MXRA7: variants seen among roughly 807,000 people sequenced by gnomAD.
MXRA7 encodes matrix-remodeling-associated protein 7.
MXRA7 carries 18 observed loss-of-function variants against 17.4 expected under a neutral mutation model. The ratio of observed to expected loss-of-function variants is 1.03; its 90% CI spans 0.71 to 1.53. The LOEUF is 1.53. Among genes scored for constraint, MXRA7 ranks in the 40% most tolerant of loss-of-function variants. The pLI, the probability that MXRA7 is intolerant of heterozygous loss-of-function variation, is 0.00. For synonymous variants in MXRA7, 70 were observed against 101.7 expected, an observed-to-expected ratio of 0.69 and a Z score of 1.87; for missense variants, 141 against 209.3, an observed-to-expected ratio of 0.67 and a Z score of 2.01.
intron 1 of MXRA7, among the ~76,000 whole-genome samples, chr17:76,698,808 C>T (rs1040947122): frequency 1.1e-4 from 16 of 150,234 alleles, no homozygotes; most frequent in Admixed American, 4.7e-4. Flanking sequence ...CTGCAACCTC[C>T]GCCTCCCGGG....
chr17:76,694,559 AC>A (rs2076512135), intron 1 of MXRA7, among the ~76,000 whole-genome samples: 1 of 152,096 alleles, frequency 6.6e-6, no homozygotes, highest in African/African-American at 2.4e-5. Flanking sequence ...TAAAGAATAT[AC>A]TAATAATAAT....
chr17:76,701,390 C>T (rs1476789), intron 1 of MXRA7, among the ~76,000 whole-genome samples: 79,571 of 151,088 alleles, frequency 0.53, 21,091 homozygotes, highest in Middle Eastern at 0.65. Flanking sequence ...ATGAGGAATG[C>T]CGGGTGGAGG....
exon 4 of MXRA7, chr17:76,674,305 A>C (rs2076223550): frequency 6.6e-6 from 1 of 151,636 alleles, no homozygotes; most frequent in Non-Finnish European, 1.5e-5. Flanking sequence ...GCCCTCCTTT[A>C]TGCTTTTTAG....
intron 1 of MXRA7, chr17:76,688,786 TGA>T: frequency 2.5e-6 from 2 of 790,488 alleles, no homozygotes; most frequent in Non-Finnish European, 3.4e-6. Context: ...TGTCAGAGGA[TGA>T]GAGCGACGTG....
intron 1 of MXRA7, among the ~76,000 whole-genome samples, chr17:76,698,006 G>A (rs1429155121): frequency 1.3e-5 from 2 of 152,200 alleles, no homozygotes; most frequent in African/African-American, 4.8e-5. Flanking sequence ...CTGCGTGTCT[G>A]CTGCCCAAGG....
intron 3 of MXRA7, among the ~76,000 whole-genome samples, chr17:76,682,012 G>C (rs1567976510): frequency 6.6e-6 from 1 of 152,236 alleles, no homozygotes; most frequent in South Asian, 2.1e-4. Flanking sequence ...GTGGCAAGCA[G>C]GATCTTAAGC....
At chr17:76,698,712 GTTTTTTTT>G (rs3078394) in intron 1 of MXRA7, among the ~76,000 whole-genome samples, 23 of 54,914 alleles carry the variant, frequency 4.2e-4, no homozygotes, top group African/African-American at 1.3e-3. Context: ...CTTCCTTTCT[GTTTTTTTT>G]TTTTTTTTTT....
chr17:76,678,267 T>C (rs2076257356), downstream of MXRA7, among the ~76,000 whole-genome samples: 1 of 152,134 alleles, frequency 6.6e-6, no homozygotes, highest in Non-Finnish European at 1.5e-5. Context: ...TTTTCCTAAT[T>C]TGCACAAGAT....
chr17:76,688,588 C>T, intron 1 of MXRA7: 1 of 1,255,054 alleles, frequency 8.0e-7, no homozygotes, highest in Non-Finnish European at 1.0e-6. Context: ...ATGGCCATCG[C>T]AGCCTCTGGC....
chr17:76,697,686 G>C (rs561143100), intron 1 of MXRA7, among the ~76,000 whole-genome samples: 3 of 152,310 alleles, frequency 2.0e-5, no homozygotes, highest in Admixed American at 6.5e-5. Context: ...AGGCAAACGG[G>C]ACGTGCCTCC....
chr17:76,708,717 G>T (rs1020013250), intron 1 of MXRA7, among the ~76,000 whole-genome samples: 5 of 152,180 alleles, frequency 3.3e-5, no homozygotes, highest in Non-Finnish European at 7.3e-5. Flanking sequence ...ACAGCACCTG[G>T]CTTAATGTTT....
downstream of MXRA7, among the ~76,000 whole-genome samples, chr17:76,677,993 T>C (rs2076255238): frequency 6.6e-6 from 1 of 152,268 alleles, no homozygotes. Flanking sequence ...CAGTTTCCCT[T>C]TGGGCCTCAT....
intron 1 of MXRA7, among the ~76,000 whole-genome samples, chr17:76,703,960 G>A (rs1048181506): frequency 3.3e-5 from 5 of 151,098 alleles, no homozygotes; most frequent in South Asian, 2.1e-4. Flanking sequence ...ATAGCCGGGC[G>A]TGGTGGTGGC....
chr17:76,684,777 G>A (rs1043520681), intron 3 of MXRA7: 1 of 458,082 alleles, frequency 2.2e-6, no homozygotes, highest in Non-Finnish European at 4.0e-6. Flanking sequence ...TTAGATGGGG[G>A]CAGTGGGGTG....
chr17:76,691,422 CAACTT>C (rs2076477327), intron 1 of MXRA7, among the ~76,000 whole-genome samples: 1 of 152,154 alleles, frequency 6.6e-6, no homozygotes, highest in South Asian at 2.1e-4. Context: ...GCAAATTACT[CAACTT>C]GAGGAGGGGT....
chr17:76,678,585 C>T (rs916384904), downstream of MXRA7, among the ~76,000 whole-genome samples: 1 of 152,202 alleles, frequency 6.6e-6, no homozygotes, highest in South Asian at 2.1e-4. Context: ...TTCTGCAGTT[C>T]CTGCCCCCCA....
At chr17:76,679,303 A>AC (rs2076268029), downstream of MXRA7, among the ~76,000 whole-genome samples, 1 of 133,674 alleles carries the variant, frequency 7.5e-6, no homozygotes, top group Admixed American at 7.7e-5. Flanking sequence ...AAAAAAAAAA[A>AC]AGAAGAAGAA....
rs1242957770 is a variant in MXRA7, at chr17:76,680,546, G to A, written c.*321C>T. ...GTTCTTTTTATCTAAGGTGTGCAGG[G>A]TGTGTGGATAGCAAGTTTGAGTGGT... On this transcript the variant is annotated 3_prime_UTR_variant, in exon 4 of 4. Coordinates refer to ENST00000449428, the MANE Select transcript of MXRA7 (RefSeq NM_198530.4). The A allele has an allele frequency of 9.6e-6, 11 of 1,142,056 alleles. No homozygotes were observed. In the South Asian group the frequency reaches 1.3e-4, roughly 14 times the overall value. The allele number at this position is 1,142,056 out of a possible 1,614,324, so 70.7% of individuals were successfully genotyped here.
intron 3 of MXRA7, chr17:76,683,701 G>A: frequency 1.6e-6 from 1 of 634,342 alleles, no homozygotes; most frequent in Non-Finnish European, 2.8e-6. Flanking sequence ...TGCTTGAGAA[G>A]AATGAGAAGG....
Sources: gnomAD v4.1 joint callset for allele counts (sites outside exome capture counted in the v4.1 genomes callset) on GRCh38, gnomAD v4.1.1 for gene constraint, MANE v1.5 for transcripts, NCBI Gene and HGNC (gene_info 2026-07-23, HGNC 2026-07-21) for gene names.